Variants in CLASP1 observed in about 807,000 individuals in gnomAD.
CLASP1 encodes the protein CLIP-associating protein 1.
In CLASP1, 38 loss-of-function variants were observed where a neutral mutation model predicts 192.3. The ratio of observed to expected loss-of-function variants is 0.20; its 90% confidence interval spans 0.15 to 0.26. The LOEUF (loss-of-function observed/expected upper bound fraction) is 0.26. CLASP1 is among the 10% of genes least tolerant of loss of function. CLASP1 has a pLI of 1.00. For synonymous variants in CLASP1, 691 were observed against 712.8 expected (o/e 0.97, Z 0.49); for missense variants, 1,433 against 1,932.5 (o/e 0.74, Z 4.85).
rs1484446904 is a variant in CLASP1 at position 121,639,112 on chromosome 2, T to TA, written c.-286+10259dup. 5.9e-5 allele frequency among the ~76,000 whole-genome samples: 9 copies of TA among 151,958 alleles called. No individual in the cohort carries two copies. In the East Asian group the frequency reaches 1.8e-3, roughly 30 times the overall value. On this transcript the variant is annotated intron_variant, in intron 1 of 39. Transcript: ENST00000263710. ...TAACACAGTGAAACCCTGTCTCTAC[T>TA]AAAAATACAAAAAAATTAGCCGGGC...
intron 19 of CLASP1, among the ~76,000 whole-genome samples, chr2:121,432,529 G>C (rs938210573): frequency 2.0e-5 from 3 of 152,098 alleles, no homozygotes; most frequent in African/African-American, 7.2e-5. Flanking sequence ...CAATAACAAC[G>C]CCTGTTGAAA....
In CLASP1 at chr2:121,474,359, G is replaced by A. The variant is rs188520338; in HGVS notation, c.713-4399C>T. On this transcript the variant is annotated intron_variant, in intron 8 of 39. Transcript: ENST00000263710. ...TCATAACTTGTCTAAATTGCCTGAAGATGTCACACAATAGTGTATCACAAA... is the reference window on the plus strand; with the variant it reads ...TCATAACTTGTCTAAATTGCCTGAAAATGTCACACAATAGTGTATCACAAA... 2.7e-4 allele frequency among the ~76,000 whole-genome samples: 41 copies of A among 152,284 alleles called. No homozygotes were observed. In the East Asian group the frequency reaches 5.0e-3, roughly 19 times the overall value.
chr2:121,345,421 AG>A (rs2063331320), intron 39 of CLASP1, among the ~76,000 whole-genome samples: 1 of 152,218 alleles, frequency 6.6e-6, no homozygotes, highest in African/African-American at 2.4e-5. Flanking sequence ...CTCTTACTCA[AG>A]AAAAGTAAAA....
chr2:121,575,536 G>A (rs1441910922), intron 2 of CLASP1, among the ~76,000 whole-genome samples: 1 of 152,200 alleles, frequency 6.6e-6, no homozygotes, highest in Admixed American at 6.5e-5. Context: ...GAGAAAGTAA[G>A]AGAAGATTCA....
intron 23 of CLASP1, among the ~76,000 whole-genome samples, chr2:121,417,419 C>G (rs545585596): frequency 3.3e-5 from 5 of 151,014 alleles, no homozygotes; most frequent in African/African-American, 1.2e-4. Flanking sequence ...AGATATACAG[C>G]CTTAATTTAA....
At chr2:121,450,983 A>G (rs764974369) in exon 16 of CLASP1, 3 of 1,585,404 alleles carry the variant, frequency 1.9e-6, no homozygotes, top group Non-Finnish European at 2.6e-6. Context: ...GCTAATACTG[A>G]TATGTGTCTA....
At chr2:121,496,835 A>T (rs1328380417) in intron 8 of CLASP1, among the ~76,000 whole-genome samples, 1 of 152,346 alleles carries the variant, frequency 6.6e-6, no homozygotes, top group East Asian at 1.9e-4. Flanking sequence ...TGGGATGCCA[A>T]CAGATGAATG....
intron 1 of CLASP1, among the ~76,000 whole-genome samples, chr2:121,609,245 T>C (rs2064867625): frequency 6.6e-6 from 1 of 152,214 alleles, no homozygotes; most frequent in South Asian, 2.1e-4. Flanking sequence ...TTTATAAATA[T>C]ATATCATAAG....
chr2:121,556,008 T>G (rs1258994580), intron 2 of CLASP1, among the ~76,000 whole-genome samples: 1 of 137,734 alleles, frequency 7.3e-6, no homozygotes, highest in Non-Finnish European at 1.6e-5. Flanking sequence ...TTTTTTTTTT[T>G]TTTTTTTTTT....
intron 1 of CLASP1, among the ~76,000 whole-genome samples, chr2:121,607,309 A>G (rs753461340): frequency 6.6e-6 from 1 of 152,222 alleles, no homozygotes; most frequent in East Asian, 1.9e-4. Flanking sequence ...ACTGCACTCC[A>G]GCCTGGGTGA....
intron 25 of CLASP1, among the ~76,000 whole-genome samples, chr2:121,406,741 C>T (rs2149488341): frequency 6.6e-6 from 1 of 152,270 alleles, no homozygotes; most frequent in Non-Finnish European, 1.5e-5. Context: ...AGATGCATAT[C>T]ACCACATCCG....
At chr2:121,476,707 C>T (rs79849264) in intron 8 of CLASP1, among the ~76,000 whole-genome samples, 2,056 of 152,284 alleles carry the variant, frequency 0.014, 41 homozygotes, top group African/African-American at 0.046. Flanking sequence ...TATCTCTCTG[C>T]TTCACTGCAG....
intron 33 of CLASP1, among the ~76,000 whole-genome samples, chr2:121,381,280 T>A (rs560055125): frequency 6.6e-6 from 1 of 152,164 alleles, no homozygotes; most frequent in East Asian, 1.9e-4. Context: ...AAGCTATCTA[T>A]GAAGTATTTC....
At chr2:121,491,041 A>T (rs1330878765) in intron 8 of CLASP1, among the ~76,000 whole-genome samples, 1 of 152,246 alleles carries the variant, frequency 6.6e-6, no homozygotes, top group East Asian at 1.9e-4. Context: ...AATAATTCAG[A>T]TCTTATCTAA....
exon 33 of CLASP1, chr2:121,382,255 G>A (rs777133509): frequency 6.2e-7 from 1 of 1,608,306 alleles, no homozygotes; most frequent in African/African-American, 1.3e-5. Context: ...GAGCGGTGGG[G>A]ATGGAGTTAG....
intron 8 of CLASP1, among the ~76,000 whole-genome samples, chr2:121,485,099 C>T (rs1243124432): frequency 6.6e-6 from 1 of 152,136 alleles, no homozygotes; most frequent in African/African-American, 2.4e-5. Flanking sequence ...TCAGAGAAGG[C>T]CAAATCACAC....
At chr2:121,460,332 G>C (rs960774790) in intron 11 of CLASP1, among the ~76,000 whole-genome samples, 1 of 152,096 alleles carries the variant, frequency 6.6e-6, no homozygotes, top group Non-Finnish European at 1.5e-5. Flanking sequence ...TTTTTAACTA[G>C]AGTATTTGTG....
At chr2:121,630,251 T>C (rs942345968) in intron 1 of CLASP1, among the ~76,000 whole-genome samples, 4 of 152,104 alleles carry the variant, frequency 2.6e-5, no homozygotes, top group Non-Finnish European at 5.9e-5. Flanking sequence ...TAAATCATAC[T>C]CTATCCAATA....
chr2:121,424,552 A>C (rs2080067804), intron 22 of CLASP1, among the ~76,000 whole-genome samples: 1 of 152,222 alleles, frequency 6.6e-6, no homozygotes, highest in Non-Finnish European at 1.5e-5. Context: ...AAGGTATTTA[A>C]GCGGCTGACA....
Sources: gnomAD v4.1 joint callset for allele counts (sites outside exome capture counted in the v4.1 genomes callset) on GRCh38, gnomAD v4.1.1 for gene constraint, MANE v1.5 for transcripts, NCBI Gene and HGNC (gene_info 2026-07-23, HGNC 2026-07-21) for gene names.